FSTL5: variants seen among roughly 807,000 people sequenced by gnomAD.
The protein encoded by FSTL5 is follistatin like 5.
Under a neutral mutation model 89.1 loss-of-function variants are expected in FSTL5, and 62 were observed. That is an observed-to-expected ratio of 0.70 (90% CI 0.57 to 0.86). The LOEUF is 0.86. FSTL5 is among the 40% of genes least tolerant of loss of function. FSTL5 has a pLI of 0.00. For synonymous variants in FSTL5, 383 were observed against 346.2 expected (o/e 1.11, Z -1.18); for missense variants, 1,057 against 1,001.6 (o/e 1.06, Z -0.75).
chr4:161,607,848 T>G (rs545253775), intron 7 of FSTL5, among the ~76,000 whole-genome samples: 7 of 152,296 alleles, frequency 4.6e-5, no homozygotes, highest in African/African-American at 7.2e-5. Flanking sequence ...TATTCTTTAT[T>G]TATGTTTCCT....
At chr4:161,796,580 T>G (rs1039340431) in intron 4 of FSTL5, among the ~76,000 whole-genome samples, 6 of 151,796 alleles carry the variant, frequency 4.0e-5, no homozygotes, top group African/African-American at 1.4e-4. Flanking sequence ...TTTGGAATTA[T>G]TTTTACTTGT....
intron 13 of FSTL5, among the ~76,000 whole-genome samples, chr4:161,480,754 G>A (rs1232627451): frequency 6.6e-6 from 1 of 152,066 alleles, no homozygotes; most frequent in Non-Finnish European, 1.5e-5. Flanking sequence ...CAGCTGGGAG[G>A]GAGATTTGTG....
intron 8 of FSTL5, among the ~76,000 whole-genome samples, chr4:161,573,733 C>CAAAAAAAAAAAAAAAAAA (rs70937664): frequency 3.8e-4 from 19 of 50,618 alleles, no homozygotes; most frequent in South Asian, 1.2e-3. Flanking sequence ...AACTCCAGCT[C>CAAAAAAAAAAAAAAAAAA]AAAAAAAAAA....
At chr4:161,852,960 C>G (rs1731602695) in intron 4 of FSTL5, among the ~76,000 whole-genome samples, 1 of 152,086 alleles carries the variant, frequency 6.6e-6, no homozygotes, top group South Asian at 2.1e-4. Context: ...AAGTAAAAAA[C>G]CTGCACATCC....
At chr4:161,489,195 G>A (rs1230682762) in intron 12 of FSTL5, among the ~76,000 whole-genome samples, 1 of 152,066 alleles carries the variant, frequency 6.6e-6, no homozygotes, top group Non-Finnish European at 1.5e-5. Flanking sequence ...CTTGAATGCA[G>A]GACTAGATGA....
At chr4:161,576,342 A>T (rs1437856636) in intron 8 of FSTL5, among the ~76,000 whole-genome samples, 1 of 152,216 alleles carries the variant, frequency 6.6e-6, no homozygotes, top group African/African-American at 2.4e-5. Flanking sequence ...ATGGAACCAA[A>T]AAAGAGCCGA....
chr4:161,924,835 A>C (rs1024434433), intron 3 of FSTL5, among the ~76,000 whole-genome samples: 3 of 151,896 alleles, frequency 2.0e-5, no homozygotes, highest in Non-Finnish European at 4.4e-5. Context: ...ATTATTATGG[A>C]ATATTAATAT....
intron 3 of FSTL5, among the ~76,000 whole-genome samples, chr4:161,939,276 A>G (rs1402314369): frequency 6.6e-6 from 1 of 151,970 alleles, no homozygotes; most frequent in Non-Finnish European, 1.5e-5. Flanking sequence ...ATCTCCATGT[A>G]TTAAATTGGA....
chr4:162,113,139 G>A (rs1404035448), intron 1 of FSTL5, among the ~76,000 whole-genome samples: 2 of 151,956 alleles, frequency 1.3e-5, no homozygotes, highest in Non-Finnish European at 2.9e-5. Context: ...CCTCTAGATT[G>A]GTATATCTTG....
intron 4 of FSTL5, among the ~76,000 whole-genome samples, chr4:161,845,244 C>T (rs1211101972): frequency 2.6e-5 from 4 of 152,066 alleles, no homozygotes; most frequent in Non-Finnish European, 4.4e-5. Context: ...ATCTTTAAAA[C>T]CAAATAAAAC....
chr4:161,829,086 T>C (rs1730757653), intron 4 of FSTL5, among the ~76,000 whole-genome samples: 1 of 149,176 alleles, frequency 6.7e-6, no homozygotes, highest in South Asian at 2.1e-4. Context: ...ACTTGATAAA[T>C]GTAATTTTTT....
intron 15 of FSTL5, among the ~76,000 whole-genome samples, chr4:161,432,451 G>A (rs773422065): frequency 2.0e-5 from 3 of 151,908 alleles, no homozygotes; most frequent in Admixed American, 6.6e-5. Context: ...AATGTGAACC[G>A]TACTAAGAGG....
chr4:161,653,565 T>G (rs2126679796), intron 7 of FSTL5, among the ~76,000 whole-genome samples: 1 of 152,198 alleles, frequency 6.6e-6, no homozygotes, highest in Admixed American at 6.6e-5. Flanking sequence ...AGGTGTTGGG[T>G]AACCAGAAAA....
chr4:162,042,210 A>T (rs1235359621), intron 2 of FSTL5: 1 of 152,156 alleles, frequency 6.6e-6, no homozygotes, highest in African/African-American at 2.4e-5. Context: ...AATTGAAAAT[A>T]ATGGGAAAAT....
intron 8 of FSTL5, among the ~76,000 whole-genome samples, chr4:161,554,237 A>G (rs1041836551): frequency 1.8e-4 from 27 of 150,612 alleles, no homozygotes; most frequent in Non-Finnish European, 8.9e-5. Flanking sequence ...TGATAGTAGG[A>G]AAAAAAAAGG....
At chr4:161,672,113 G>A (rs371186644) in intron 6 of FSTL5, among the ~76,000 whole-genome samples, 1 of 152,112 alleles carries the variant, frequency 6.6e-6, no homozygotes, top group East Asian at 1.9e-4. Flanking sequence ...AACCTACCAA[G>A]TAATTATTGT....
At chr4:161,637,760 G>C (rs1274516545) in intron 7 of FSTL5, among the ~76,000 whole-genome samples, 3 of 118,754 alleles carry the variant, frequency 2.5e-5, no homozygotes, top group East Asian at 4.8e-4. Flanking sequence ...GTTTGTCAAA[G>C]ATCAGATAGT....
intron 2 of FSTL5, among the ~76,000 whole-genome samples, chr4:162,038,678 T>C (rs184442982): frequency 2.6e-4 from 40 of 152,006 alleles, no homozygotes; most frequent in Non-Finnish European, 4.6e-4. Flanking sequence ...TATGACATAA[T>C]GATTATTAAC....
At chr4:161,683,346 G>C (rs1225815302) in intron 6 of FSTL5, among the ~76,000 whole-genome samples, 1 of 151,886 alleles carries the variant, frequency 6.6e-6, no homozygotes, top group Non-Finnish European at 1.5e-5. Flanking sequence ...ATTGTTATGT[G>C]GTGGGTGATT....
Sources: gnomAD v4.1 joint callset for allele counts (sites outside exome capture counted in the v4.1 genomes callset) on GRCh38, gnomAD v4.1.1 for gene constraint, MANE v1.5 for transcripts, NCBI Gene and HGNC (gene_info 2026-07-23, HGNC 2026-07-21) for gene names.